MROH2A: variants seen among roughly 807,000 people sequenced by gnomAD.
MROH2A encodes the protein maestro heat like repeat family member 2A.
MROH2A carries 174 observed loss-of-function variants against 200.4 expected under a neutral mutation model. The ratio of observed to expected loss-of-function variants is 0.87; its 90% confidence interval spans 0.77 to 0.98. The LOEUF (loss-of-function observed/expected upper bound fraction) is 0.98, where lower values mean the gene tolerates loss of function less well. Among genes scored for constraint, MROH2A ranks in the 50% least tolerant of loss-of-function variants. MROH2A has a pLI of 0.00. For synonymous variants in MROH2A, 829 were observed against 840.4 expected (o/e 0.99, Z 0.23); for missense variants, 2,045 against 2,139.6 (o/e 0.96, Z 0.87).
rs898391397 is a variant in MROH2A at position 233,815,097 on chromosome 2, G to A, written c.2856+420G>A. On this transcript the variant is annotated intron_variant, in intron 26 of 41. Transcript: ENST00000389758. ...AATTGCCCCAGTAATGTCCTTTAGA[G>A]CTGTTTTCTCCTCGATCCAGGATAT... 4.6e-5 allele frequency among the ~76,000 whole-genome samples: 7 copies of A among 152,190 alleles called. 1 individual carries two copies. Among genetic ancestry groups the A allele is most frequent in the African/African-American group, 1.7e-4 (7 of 41,446 alleles).
intron 22 of MROH2A, 126 bp downstream of exon 22, chr2:233,809,404 C>A: frequency 1.9e-6 from 2 of 1,062,102 alleles, no homozygotes; most frequent in Non-Finnish European, 2.7e-6. Context: ...TGATGCCCAG[C>A]ACGTGGGAAG....
chr2:233,810,851 A>G lies in MROH2A; in HGVS notation c.2506A>G (p.Asn836Asp). 1 of 1,550,496 alleles carries G rather than the reference A, an allele frequency of 6.4e-7. No individual in the cohort carries two copies. The highest frequency in any genetic ancestry group is 8.7e-7 in the Non-Finnish European group (1 of 1,146,918). Residue 836 changes from asparagine (N) to aspartate (D), a missense_variant, in exon 23 of 42, where the codon AAC becomes GAC. Physicochemically the swap from Asn to Asp is conservative, Grantham distance 23. This residue lies in a region of MROH2A where 1,201 missense variants were observed against 1,311.3 expected (regional missense o/e 0.92). Coordinates refer to ENST00000389758, the MANE Select transcript of MROH2A (RefSeq NM_001394639.1). ...TGTTGTGCAGGTTACCAAGGCCATCAACAACATCAAGGACCTGGAGGACTT... is the reference window on the plus strand; with the variant it reads ...TGTTGTGCAGGTTACCAAGGCCATCGACAACATCAAGGACCTGGAGGACTT... ...KSVVQVTKAINNIKDLEDFHF... is the reference protein window; with the variant it reads ...KSVVQVTKAIDNIKDLEDFHF...
In MROH2A at chr2:233,831,555, G is replaced by A. The variant is rs1448062165; in HGVS notation, c.4734+15G>A. The stretch of plus-strand genomic sequence containing the variant: ...GCTCCATCCTGGTGAGGAAGCCAAA[G>A]GGGGAACCAGCCCGTCCCAGGTGGC... On this transcript the variant is annotated intron_variant, in intron 39 of 41. Transcript: ENST00000389758. 1 of 1,546,814 alleles carries A rather than the reference G, an allele frequency of 6.5e-7. No individual in the cohort carries two copies.
chr2:233,789,831 T>C lies in MROH2A; in HGVS notation c.409-21T>C, dbSNP rs761521541. 21 of 1,542,164 alleles carry C rather than the reference T, an allele frequency of 1.4e-5. 1 individual carries two copies. The South Asian group carries it at 2.5e-4, about 19-fold the overall frequency. Reference sequence around the variant, plus strand: ...GCCCGGCTGGTGGTGGTGCCATATGTCCCTCTTCTGTCTCCTGCAGATGGA... The same window carrying C: ...GCCCGGCTGGTGGTGGTGCCATATGCCCCTCTTCTGTCTCCTGCAGATGGA... On this transcript the variant is annotated intron_variant, in intron 4 of 41. Transcript: ENST00000389758.
chr2:233,828,815 C>G lies in MROH2A; in HGVS notation c.4263+36C>G. ...TGGCCCTGGGCCCAGGTCCCGGGAG[C>G]TGAGGGTGCAGGCCGGGTGCCCTGG... On this transcript the variant is annotated intron_variant, in intron 36 of 41. Transcript: ENST00000389758. This position sits in a 1 kb window ranked among gnomAD's most constrained non-coding sequence, Gnocchi z 4.6. The G allele has an allele frequency of 6.5e-7, 1 of 1,548,924 alleles. No homozygotes were observed. The highest frequency in any genetic ancestry group is 8.7e-7 in the Non-Finnish European group (1 of 1,145,890).
Position 233,802,204 on chromosome 2 carries a change from A to G in MROH2A, c.1597A>G (p.Thr533Ala), listed in dbSNP as rs1046204913. ...GAGGCTGCTGTGCTACATCATGGAG[A>G]CAGACTACGTGGAAGCTTTGACTCC... ...WVRLLCYIME[T>A]DYVEALTPIC... Residue 533 changes from threonine to alanine, a missense_variant, in exon 15 of 42, where the codon ACA (threonine) becomes GCA (alanine). By Grantham distance (58) the Thr-to-Ala change is moderately conservative. Around this residue, in one of 3 missense-constraint regions of MROH2A, gnomAD observed 831 missense variants for 800.0 expected, o/e 1.04. Transcript: ENST00000389758. The G allele has an allele frequency of 5.1e-5, 79 of 1,550,132 alleles. No homozygotes were observed. The highest frequency in any genetic ancestry group is 6.9e-5 in the Non-Finnish European group (79 of 1,146,806).
In MROH2A at chr2:233,828,880, G is replaced by T; in HGVS notation, c.4264-10G>T. 1 of 1,550,420 alleles carries T rather than the reference G, an allele frequency of 6.4e-7. No individual in the cohort carries two copies. The highest frequency in any genetic ancestry group is 8.7e-7 in the Non-Finnish European group (1 of 1,146,946). On this transcript the variant is annotated splice_polypyrimidine_tract_variant and intron_variant, in intron 36 of 41. Coordinates refer to ENST00000389758, the MANE Select transcript of MROH2A (RefSeq NM_001394639.1). This position sits in a 1 kb window ranked among gnomAD's most constrained non-coding sequence, Gnocchi z 4.6. ...AGGGTGCAGGCTGAGGGCTGCCCAT[G>T]CCCCTCCAGGTGAAGCAGTACCGGA...
chr2:233,787,175 C>T (rs922934099), intron 3 of MROH2A, among the ~76,000 whole-genome samples: 1 of 151,940 alleles, frequency 6.6e-6, no homozygotes, highest in African/African-American at 2.4e-5. Context: ...TATAAATATT[C>T]TCCGAAGATT....
chr2:233,821,847 G>T (rs1204121752), intron 31 of MROH2A, among the ~76,000 whole-genome samples: 2 of 152,128 alleles, frequency 1.3e-5, no homozygotes, highest in African/African-American at 2.4e-5. Context: ...AAACAGGTGG[G>T]GGTCTCTGTG....
chr2:233,780,812 C>A (rs1700920742), intron 3 of MROH2A, among the ~76,000 whole-genome samples: 2 of 152,142 alleles, frequency 1.3e-5, no homozygotes, highest in Admixed American at 1.3e-4. Context: ...ACCTACAGTG[C>A]TATAGAACAC....
chr2:233,778,537 A>G (rs1700780210), intron 1 of MROH2A, 56 bp downstream of exon 1: 1 of 168,956 alleles, frequency 5.9e-6, no homozygotes, highest in Non-Finnish European at 1.5e-5. Flanking sequence ...AAAAGAGAGT[A>G]TGGGATAGTA....
Position 233,823,640 on chromosome 2 carries a change from C to T in MROH2A, c.4089C>T (p.Cys1363=), listed in dbSNP as rs1464873847. The T allele has an allele frequency of 1.3e-6, 2 of 1,550,512 alleles. No homozygotes were observed. The highest frequency in any genetic ancestry group is 4.9e-5 in the East Asian group (2 of 40,912). ...LRGMDSEVLS[C]RISSTAVCFM... ...GCATGGACTCAGAAGTCCTGAGCTGCCGCATCAGCAGCACAGCGGTCTGCG... is the reference window on the plus strand; with the variant it reads ...GCATGGACTCAGAAGTCCTGAGCTGTCGCATCAGCAGCACAGCGGTCTGCG... Residue 1363 remains cysteine (C), a synonymous_variant, in exon 35 of 42, where the codon TGC becomes TGT. Transcript: ENST00000389758.
At chr2:233,791,466 G>T (rs1403601494) in intron 5 of MROH2A, among the ~76,000 whole-genome samples, 1 of 152,222 alleles carries the variant, frequency 6.6e-6, no homozygotes, top group Non-Finnish European at 1.5e-5. Context: ...TTCATGCTGT[G>T]TGTGGAGCTC....
intron 29 of MROH2A, 143 bp downstream of exon 29, chr2:233,818,913 G>A: frequency 3.2e-6 from 2 of 621,012 alleles, no homozygotes; most frequent in East Asian, 5.5e-5. Flanking sequence ...CCCAACTGCT[G>A]CCCTCTGTGT....
chr2:233,801,824 G>A (rs553314800), intron 14 of MROH2A, among the ~76,000 whole-genome samples: 1 of 152,300 alleles, frequency 6.6e-6, no homozygotes, highest in South Asian at 2.1e-4. Context: ...TCATCTGCCC[G>A]GGGTGCCCCT....
rs115530435 is a variant in MROH2A at position 233,807,725 on chromosome 2, C to T, written c.2173-8C>T. 3,377 of 1,550,650 alleles carry T rather than the reference C, an allele frequency of 2.2e-3. 70 individuals carry two copies. In the African/African-American group the frequency reaches 0.04, roughly 18 times the overall value. On this transcript the variant is annotated splice_polypyrimidine_tract_variant and splice_region_variant and intron_variant, in intron 20 of 41. Coordinates refer to ENST00000389758, the MANE Select transcript of MROH2A (RefSeq NM_001394639.1). The surrounding 1 kb of genome is among the most constrained non-coding windows in gnomAD (Gnocchi z 4.3). ...GCCCTCACCCTGGCTGGCTGGGTCT[C>T]CCTGCAGGGTGTGATTATGTGCTTT... is the stretch of plus-strand genomic sequence containing the variant.
At position 233,828,394 on chromosome 2, in the gene MROH2A, A is replaced by G. The variant is rs1704463420; in HGVS notation, c.4114-236A>G. Among the ~76,000 whole-genome samples the G allele has an allele frequency of 6.6e-6, 1 of 152,176 alleles. No homozygotes were observed. The highest frequency in any genetic ancestry group is 2.1e-4 in the South Asian group (1 of 4,826). On this transcript the variant is annotated intron_variant, in intron 35 of 41. Coordinates refer to ENST00000389758, the MANE Select transcript of MROH2A (RefSeq NM_001394639.1). The surrounding 1 kb of genome is among the most constrained non-coding windows in gnomAD (Gnocchi z 4.6). ...GAAAAAATAAATGACGAATTTATAT[A>G]TATACGTAACACTTATCTAGCATTC... is the stretch of plus-strand genomic sequence containing the variant.
chr2:233,823,142 C>A, intron 34 of MROH2A, 124 bp downstream of exon 34: 3 of 1,020,436 alleles, frequency 2.9e-6, no homozygotes, highest in Non-Finnish European at 4.3e-6. Flanking sequence ...GGGGAACTGC[C>A]ACGCCAACCT....
chr2:233,794,463 T>A lies in MROH2A; in HGVS notation c.923T>A (p.Leu308Gln). The change falls in exon 8 of 42, where the codon CTG (leucine) becomes CAG (glutamine). Residue 308 changes from leucine (L) to glutamine (Q), a missense_variant. By Grantham distance (113) the Leu-to-Gln change is moderately radical (BLOSUM62 -2). Coordinates refer to ENST00000389758, the MANE Select transcript of MROH2A (RefSeq NM_001394639.1). ...GTCTACGACTACATCCCCCTGCTGCTGGCGGAGTACCAGGGCAGTCTGGAG... is the reference window on the plus strand; with the variant it reads ...GTCTACGACTACATCCCCCTGCTGCAGGCGGAGTACCAGGGCAGTCTGGAG... ...EQVYDYIPLL[L>Q]AEYQGSLEVL... 1 of 1,550,076 alleles carries A rather than the reference T, an allele frequency of 6.5e-7. No individual in the cohort carries two copies. The highest frequency in any genetic ancestry group is 8.7e-7 in the Non-Finnish European group (1 of 1,146,522).
Sources: gnomAD v4.1 joint callset for allele counts (sites outside exome capture counted in the v4.1 genomes callset) on GRCh38, gnomAD v4.1.1 for gene constraint, gnomAD v4.1.1 regional missense constraint, Gnocchi (gnomAD v3.1) non-coding constraint, MANE v1.5 for transcripts, NCBI Gene and HGNC (gene_info 2026-07-23, HGNC 2026-07-21) for gene names.